Variants in LUZP2 observed in about 807,000 individuals in gnomAD.
LUZP2 encodes the protein leucine zipper protein 2.
LUZP2 carries 52 observed loss-of-function variants against 51.6 expected under a neutral mutation model. That is an observed-to-expected ratio of 1.01 (90% confidence interval 0.81 to 1.27). LUZP2 has a LOEUF of 1.27. Among genes scored for constraint, LUZP2 ranks in the 50% most tolerant of loss-of-function variants. The probability of loss-of-function intolerance (pLI) is 0.00; values close to 1 mark genes in which losing one functional copy is unlikely to be tolerated. For missense variants in LUZP2, 436 were observed against 395.4 expected (o/e 1.10, Z -0.87); for synonymous variants, 154 against 137.3 (o/e 1.12, Z -0.85).
At chr11:24,592,103 C>G (rs932681089) in intron 1 of LUZP2, among the ~76,000 whole-genome samples, 1 of 152,130 alleles carries the variant, frequency 6.6e-6, no homozygotes, top group African/African-American at 2.4e-5. Flanking sequence ...GTGTGGGTGC[C>G]TTTCAGATGA....
intron 10 of LUZP2, among the ~76,000 whole-genome samples, chr11:25,077,035 T>C (rs1859327311): frequency 1.3e-5 from 2 of 152,292 alleles, no homozygotes; most frequent in Middle Eastern, 6.8e-3. Context: ...TATAATCTTT[T>C]ACTTCTTTTT....
At chr11:24,531,031 T>C (rs144135327) in intron 1 of LUZP2, among the ~76,000 whole-genome samples, 163 of 148,876 alleles carry the variant, frequency 1.1e-3, no homozygotes, top group African/African-American at 3.4e-3. Context: ...CTTATTACTT[T>C]AGCCTCTTTT....
chr11:24,634,921 GA>G (rs1855029334), intron 1 of LUZP2, among the ~76,000 whole-genome samples: 1 of 152,118 alleles, frequency 6.6e-6, no homozygotes, highest in Admixed American at 6.6e-5. Context: ...TACTGGAGAT[GA>G]GATGAACACA....
intron 7 of LUZP2, among the ~76,000 whole-genome samples, chr11:24,942,595 AATC>A (rs1183217799): frequency 6.6e-6 from 1 of 152,200 alleles, no homozygotes; most frequent in African/African-American, 2.4e-5. Context: ...ACTAAGTTAT[AATC>A]ATCCTTCATG....
At chr11:24,590,257 T>C (rs1379916547) in intron 1 of LUZP2, among the ~76,000 whole-genome samples, 1 of 152,144 alleles carries the variant, frequency 6.6e-6, no homozygotes, top group African/African-American at 2.4e-5. Context: ...GCCTATCAAG[T>C]ATAGGGTTTT....
intron 5 of LUZP2, among the ~76,000 whole-genome samples, chr11:24,813,332 G>A (rs1234357994): frequency 2.0e-5 from 3 of 152,136 alleles, no homozygotes; most frequent in African/African-American, 7.2e-5. Context: ...TACCTGAGAT[G>A]AGGTAATTTA....
At chr11:24,635,687 C>G (rs1855074469) in intron 1 of LUZP2, among the ~76,000 whole-genome samples, 1 of 152,138 alleles carries the variant, frequency 6.6e-6, no homozygotes, top group South Asian at 2.1e-4. Context: ...TTTAAAACCT[C>G]ATCTGTAATG....
chr11:24,775,959 A>G (rs1418595511), intron 5 of LUZP2, among the ~76,000 whole-genome samples: 1 of 152,206 alleles, frequency 6.6e-6, no homozygotes, highest in Non-Finnish European at 1.5e-5. Context: ...ATCCTCCATT[A>G]TTGTTATTGG....
At chr11:24,734,574 A>G (rs1396921062) in intron 3 of LUZP2, among the ~76,000 whole-genome samples, 1 of 151,922 alleles carries the variant, frequency 6.6e-6, no homozygotes, top group Non-Finnish European at 1.5e-5. Context: ...AATCAAAGTT[A>G]GAATGGAAGA....
intron 7 of LUZP2, among the ~76,000 whole-genome samples, chr11:24,920,026 T>C (rs1457421631): frequency 2.0e-5 from 3 of 151,852 alleles, no homozygotes; most frequent in Admixed American, 2.0e-4. Context: ...AATGATTATT[T>C]TGATTTTAAA....
At chr11:25,029,102 T>C (rs1241049676) in intron 9 of LUZP2, among the ~76,000 whole-genome samples, 1 of 151,938 alleles carries the variant, frequency 6.6e-6, no homozygotes. Context: ...GGGGACCTGG[T>C]GGGTAGGAGG....
intron 1 of LUZP2, among the ~76,000 whole-genome samples, chr11:24,610,098 C>A (rs184726543): frequency 6.6e-6 from 1 of 152,218 alleles, no homozygotes; most frequent in Non-Finnish European, 1.5e-5. Flanking sequence ...GCCATTCCAA[C>A]GTAACTGTGT....
chr11:24,523,231 G>A (rs777567752), intron 1 of LUZP2, among the ~76,000 whole-genome samples: 8 of 151,864 alleles, frequency 5.3e-5, no homozygotes, highest in South Asian at 2.1e-4. Flanking sequence ...CTTTATATAC[G>A]ATGCTTAATT....
intron 1 of LUZP2, among the ~76,000 whole-genome samples, chr11:24,612,549 A>G (rs891036632): frequency 1.3e-5 from 2 of 152,068 alleles, no homozygotes; most frequent in Admixed American, 6.5e-5. Context: ...TTCTTTCTGA[A>G]GTATGGTTTG....
intron 5 of LUZP2, among the ~76,000 whole-genome samples, chr11:24,850,487 T>C (rs922297453): frequency 1.3e-5 from 2 of 152,240 alleles, no homozygotes; most frequent in African/African-American, 4.8e-5. Flanking sequence ...TATATACCTG[T>C]TTTGGTCCCA....
In LUZP2 at chr11:24,620,021, T is replaced by C. The variant is rs76933133; in HGVS notation, c.63-109148T>C. 2.6e-4 allele frequency among the ~76,000 whole-genome samples: 40 copies of C among 152,296 alleles called. No individual in the cohort carries two copies. The East Asian group carries it at 7.5e-3, about 29-fold the overall frequency. On this transcript the variant is annotated intron_variant, in intron 1 of 11. Transcript: ENST00000336930. ...CATTATTTCTATTTCTATTCTTCTC[T>C]ATTTCTCATTTGGAAGGCTTGCCAT...
At chr11:24,896,333 C>A (rs1484971410) in intron 5 of LUZP2, among the ~76,000 whole-genome samples, 1 of 152,132 alleles carries the variant, frequency 6.6e-6, no homozygotes, top group Admixed American at 6.5e-5. Context: ...AATTGCGGGC[C>A]ACAGTGAGTT....
At chr11:25,046,973 ATG>A (rs1317323271) in intron 9 of LUZP2, among the ~76,000 whole-genome samples, 6 of 152,094 alleles carry the variant, frequency 3.9e-5, no homozygotes, top group African/African-American at 1.4e-4. Flanking sequence ...AGAATAATGG[ATG>A]TGTTTTATTT....
At chr11:24,585,111 T>C (rs1853017083) in intron 1 of LUZP2, among the ~76,000 whole-genome samples, 1 of 152,160 alleles carries the variant, frequency 6.6e-6, no homozygotes, top group Non-Finnish European at 1.5e-5. Flanking sequence ...CACTTAGATG[T>C]TCTCTCTGGG....
Sources: allele counts gnomAD v4.1 joint callset (sites outside exome capture counted in the v4.1 genomes callset), GRCh38; gene constraint gnomAD v4.1.1; transcripts MANE v1.5; gene names NCBI Gene and HGNC (gene_info 2026-07-23, HGNC 2026-07-21).